ANKDD1B: variants seen among roughly 807,000 people sequenced by gnomAD.
The protein encoded by ANKDD1B is ankyrin repeat and death domain containing 1B.
A neutral mutation model predicts 59.7 loss-of-function variants in ANKDD1B; 57 were observed. The ratio of observed to expected loss-of-function variants is 0.95; its 90% CI spans 0.77 to 1.19. ANKDD1B has a LOEUF of 1.19. ANKDD1B is among the 50% of genes most tolerant of loss of function. ANKDD1B has a pLI of 0.00. For missense variants in ANKDD1B, 602 were observed against 641.9 expected, an observed-to-expected ratio of 0.94 and a Z score of 0.67; for synonymous variants, 216 against 239.5, an observed-to-expected ratio of 0.90 and a Z score of 0.91.
intron 7 of ANKDD1B, among the ~76,000 whole-genome samples, chr5:75,637,240 C>CAGAAAAAAAAAA (rs1774338107): frequency 1.4e-5 from 1 of 69,956 alleles, no homozygotes. Flanking sequence ...GACTCTGTCT[C>CAGAAAAAAAAAA]AAAAAAAAAA....
intron 3 of ANKDD1B, among the ~76,000 whole-genome samples, chr5:75,624,578 A>G (rs1451714336): frequency 2.0e-5 from 3 of 152,208 alleles, no homozygotes; most frequent in Non-Finnish European, 4.4e-5. Flanking sequence ...AATCTAAATA[A>G]TTTTGTGTAA....
chr5:75,636,423 T>G (rs1774305872), intron 7 of ANKDD1B, among the ~76,000 whole-genome samples: 1 of 152,034 alleles, frequency 6.6e-6, no homozygotes, highest in Non-Finnish European at 1.5e-5. Context: ...AAGCTCAGGG[T>G]GGCAGAAATT....
chr5:75,627,583 T>A (rs897840347), intron 5 of ANKDD1B, among the ~76,000 whole-genome samples: 1 of 152,226 alleles, frequency 6.6e-6, no homozygotes, highest in Non-Finnish European at 1.5e-5. Flanking sequence ...ACAATCATAG[T>A]CAAATGCTAT....
At chr5:75,670,091 T>C (rs1306370312) in intron 13 of ANKDD1B, among the ~76,000 whole-genome samples, 2 of 152,226 alleles carry the variant, frequency 1.3e-5, no homozygotes, top group Non-Finnish European at 2.9e-5. Flanking sequence ...CAAGGAACAA[T>C]GTGTGGATAC....
chr5:75,625,744 AG>A lies in ANKDD1B; in HGVS notation c.495+1del, dbSNP rs758673576. 1.3e-6 allele frequency: 2 copies of A among 1,536,270 alleles called. No homozygotes were observed. Among genetic ancestry groups the A allele is most frequent in the Non-Finnish European group, 8.7e-7 (1 of 1,146,828 alleles). On this transcript the variant is annotated frameshift_variant and splice_region_variant, in exon 4 of 14. Coordinates refer to ENST00000601380, the MANE Select transcript of ANKDD1B (RefSeq NM_001276713.2). LOFTEE classifies it high-confidence loss of function. Reference sequence around the variant, plus strand: ...GGAGCAGACCAGAGAGCCAAGAATCAGGTAGGTATGTGGGTCACACCTGGAC... The same window carrying A: ...GGAGCAGACCAGAGAGCCAAGAATCAGTAGGTATGTGGGTCACACCTGGAC... The part of the protein sequence containing the change: ...KAGADQRAKN[Q>X]DGMSALHFAT...
chr5:75,656,662 C>T (rs78397853), intron 9 of ANKDD1B, among the ~76,000 whole-genome samples: 51 of 152,290 alleles, frequency 3.3e-4, no homozygotes, highest in Non-Finnish European at 4.7e-4. Context: ...AATGCCGCAA[C>T]GGAATGATGA....
chr5:75,651,046 C>A (rs1235639740), intron 7 of ANKDD1B, among the ~76,000 whole-genome samples: 1 of 152,190 alleles, frequency 6.6e-6, no homozygotes, highest in Non-Finnish European at 1.5e-5. Context: ...CAAGAGCAGG[C>A]ATTACAAAAG....
At chr5:75,649,880 T>G (rs925972341) in intron 7 of ANKDD1B, among the ~76,000 whole-genome samples, 1 of 152,246 alleles carries the variant, frequency 6.6e-6, no homozygotes, top group Non-Finnish European at 1.5e-5. Context: ...ATCAATTGAT[T>G]GTCCACCACC....
chr5:75,644,075 C>A (rs1774566803), intron 7 of ANKDD1B, among the ~76,000 whole-genome samples: 1 of 103,352 alleles, frequency 9.7e-6, no homozygotes, highest in Non-Finnish European at 1.7e-5. Context: ...CCAGGCCTGC[C>A]CTAAAAGAGC....
chr5:75,636,497 C>T (rs1374534635), intron 7 of ANKDD1B, among the ~76,000 whole-genome samples: 1 of 152,150 alleles, frequency 6.6e-6, no homozygotes, highest in Non-Finnish European at 1.5e-5. Context: ...GATGAAAGGC[C>T]ATGCTTTACA....
chr5:75,649,898 T>C (rs954609888), intron 7 of ANKDD1B, among the ~76,000 whole-genome samples: 1 of 152,230 alleles, frequency 6.6e-6, no homozygotes, highest in African/African-American at 2.4e-5. Flanking sequence ...ACCACTGAAA[T>C]GTAATGTCTG....
intron 3 of ANKDD1B, among the ~76,000 whole-genome samples, chr5:75,623,699 C>T (rs1260012804): frequency 6.6e-6 from 1 of 152,056 alleles, no homozygotes; most frequent in Non-Finnish European, 1.5e-5. Flanking sequence ...GTTGGGGCTG[C>T]CCTGTGTATT....
chr5:75,611,986 A>T (rs1326538487), intron 1 of ANKDD1B, among the ~76,000 whole-genome samples, 159 bp downstream of exon 1: 1 of 151,708 alleles, frequency 6.6e-6, no homozygotes, highest in Admixed American at 6.6e-5. Flanking sequence ...GCACCGCTGC[A>T]CTCCCTGTTG....
Position 75,611,755 on chromosome 5 carries a change from A to G in ANKDD1B, c.121A>G (p.Arg41Gly). Residue 41 changes from arginine to glycine, a missense_variant, in exon 1 of 14, where the codon AGG becomes GGG. Transcript: ENST00000601380. ...GTGGGGCGCGGCCGCCCTGCCTTGGAGGAGCCTGTCCCGGATCCCGAAGCG... is the reference window on the plus strand; with the variant it reads ...GTGGGGCGCGGCCGCCCTGCCTTGGGGGAGCCTGTCCCGGATCCCGAAGCG... ...DLWGAAALPW[R>G]SLSRIPKREG... 8.1e-7 allele frequency: 1 copy of G among 1,232,008 alleles called. No homozygotes were observed. The highest frequency in any genetic ancestry group is 4.2e-5 in the Admixed American group (1 of 23,728). The allele number at this position is 1,232,008 out of a possible 1,614,324, so 76.3% of individuals were successfully genotyped here. A position where few individuals can be genotyped will look rare whatever the true frequency, so the allele number is the denominator to read the frequency against.
chr5:75,635,702 A>G (rs551699804), intron 6 of ANKDD1B, 82 bp from the exon 7 acceptor site: 2 of 867,794 alleles, frequency 2.3e-6, no homozygotes, highest in East Asian at 5.6e-5. Context: ...AAACTTCCAG[A>G]AACTCCATTG....
At chr5:75,628,439 C>CA (rs761499963) in intron 5 of ANKDD1B, among the ~76,000 whole-genome samples, 10 of 152,170 alleles carry the variant, frequency 6.6e-5, no homozygotes, top group Non-Finnish European at 1.3e-4. Flanking sequence ...CAACTGGGAT[C>CA]AGAAGCTCAG....
chr5:75,658,766 C>T (rs998150576), intron 9 of ANKDD1B, among the ~76,000 whole-genome samples: 28 of 152,126 alleles, frequency 1.8e-4, no homozygotes, highest in African/African-American at 4.6e-4. Flanking sequence ...AAAAAATCTT[C>T]GAAATAATTT....
At chr5:75,661,290 C>T (rs59115766) in intron 10 of ANKDD1B, among the ~76,000 whole-genome samples, 5 of 145,002 alleles carry the variant, frequency 3.4e-5, no homozygotes, top group East Asian at 2.1e-4. Flanking sequence ...CCAGCTACAG[C>T]GGGGGCTGAG....
At position 75,611,845 on chromosome 5, in the gene ANKDD1B, G is replaced by C; in HGVS notation, c.193+18G>C. ...CGAGCTCCGTGAGTCCCGGGACGAG[G>C]TCTCAGAAAATCAGGCTGCGGGGCG... On this transcript the variant is annotated intron_variant, in intron 1 of 13. Transcript: ENST00000601380. The C allele has an allele frequency of 3.2e-6, 4 of 1,231,952 alleles. No individual in the cohort carries two copies. Among genetic ancestry groups the C allele is most frequent in the Non-Finnish European group, 4.0e-6 (4 of 988,164 alleles). 76.3% of individuals were successfully genotyped at this position (1,231,952 alleles called of 1,614,324 possible).
Sources: allele counts gnomAD v4.1 joint callset (sites outside exome capture counted in the v4.1 genomes callset), GRCh38; gene constraint gnomAD v4.1.1; transcripts MANE v1.5; gene names NCBI Gene and HGNC (gene_info 2026-07-23, HGNC 2026-07-21).